The following GFI1 variants were observed in gnomAD, a reference collection of about 807,000 sequenced individuals.
GFI1 encodes growth factor independent 1 transcriptional repressor.
A neutral mutation model predicts 39.2 loss-of-function variants in GFI1; 15 were observed. The ratio of observed to expected loss-of-function variants is 0.38; its 90% CI spans 0.26 to 0.59. The LOEUF (loss-of-function observed/expected upper bound fraction) is 0.59. Ranked by LOEUF, GFI1 falls within the 20% of genes least tolerant of loss-of-function variation. GFI1 has a pLI of 0.62. For synonymous variants in GFI1, 239 were observed against 254.3 expected (o/e 0.94, Z 0.57); for missense variants, 475 against 574.0 (o/e 0.83, Z 1.76).
Position 92,483,405 on chromosome 1 carries a change from C to A in GFI1, c.83G>T (p.Arg28Leu). ...PRSPGPDYSLRLENVPAPSRA... is the reference protein window; with the variant it reads ...PRSPGPDYSLLLENVPAPSRA... ...GCTAGGCGCCGGTACATTCTCTAAA[C>A]GGAGGGAATAGTCTGGTCCTGGGGA... The change falls in exon 2 of 7, where the codon CGT becomes CTT. Residue 28 changes from arginine to leucine, a missense_variant. Arg to Leu is a moderately radical substitution (Grantham distance 102, BLOSUM62 -2). Coordinates refer to ENST00000294702, the MANE Select transcript of GFI1 (RefSeq NM_005263.5). The A allele has an allele frequency of 6.2e-7, 1 of 1,612,672 alleles. No homozygotes were observed. The highest frequency in any genetic ancestry group is 2.2e-5 in the East Asian group (1 of 44,864).
rs2101579727 is a variant in GFI1 at position 92,482,865 on chromosome 1, T to A, written c.297A>T (p.Pro99=). 1 of 1,613,548 alleles carries A rather than the reference T, an allele frequency of 6.2e-7. No individual in the cohort carries two copies. The highest frequency in any genetic ancestry group is 8.5e-7 in the Non-Finnish European group (1 of 1,179,518). Residue 99 remains proline, a splice_region_variant and synonymous_variant, in exon 3 of 7, where the codon CCA becomes CCT. Transcript: ENST00000294702. The surrounding 1 kb of genome is among the most constrained non-coding windows in gnomAD (Gnocchi z 4.4). ...FWRPPSPSAS[P]ASEKSMCPSL... ...AAGAGGTTCCCAGTGGGTTCCTACCTGGAGACGCGGAGGGTGACGGGGGCC... is the reference window on the plus strand; with the variant it reads ...AAGAGGTTCCCAGTGGGTTCCTACCAGGAGACGCGGAGGGTGACGGGGGCC...
chr1:92,475,931 AG>A lies in GFI1; in HGVS notation c.*97del. 8.6e-7 allele frequency: 1 copy of A among 1,169,546 alleles called. No homozygotes were observed. 72.4% of individuals were successfully genotyped at this position (1,169,546 alleles called of 1,614,324 possible). On this transcript the variant is annotated 3_prime_UTR_variant, in exon 7 of 7. Transcript: ENST00000294702. ...GACTGGACCTGGGGTCTGGAAAGTC[AG>A]AAGGGAGTGGAGGCAAGCAGGGAGC...
intron 1 of GFI1, among the ~76,000 whole-genome samples, chr1:92,486,320 G>A (rs1018465677): frequency 6.6e-6 from 1 of 152,204 alleles, no homozygotes; most frequent in African/African-American, 2.4e-5. Flanking sequence ...CTCTCCCTGT[G>A]GGTCGGCAGG....
intron 6 of GFI1, 88 bp downstream of exon 6, chr1:92,478,500 C>A (rs1376124846): frequency 8.9e-7 from 1 of 1,129,302 alleles, no homozygotes; most frequent in African/African-American, 1.5e-5. Flanking sequence ...AAGGCCTCAT[C>A]CACCACTCAC....
rs1407630091 is a variant in GFI1 at position 92,475,351 on chromosome 1, CCT to C, written c.*676_*677del. Reference sequence around the variant, plus strand: ...CTACTGAAGGGAGGACCTCTAATCCCCTCTCATTACCAACTTCTCTTCTGCTT... The same window carrying C: ...CTACTGAAGGGAGGACCTCTAATCCCCTCATTACCAACTTCTCTTCTGCTT... On this transcript the variant is annotated 3_prime_UTR_variant, in exon 7 of 7. Coordinates refer to ENST00000294702, the MANE Select transcript of GFI1 (RefSeq NM_005263.5). The C allele has an allele frequency of 6.5e-6, 1 of 154,072 alleles. No homozygotes were observed. Among genetic ancestry groups the C allele is most frequent in the East Asian group, 1.9e-4 (1 of 5,194 alleles). 9.5% of individuals were successfully genotyped at this position (154,072 alleles called of 1,614,324 possible). A position where few individuals can be genotyped will look rare whatever the true frequency, so the allele number is the denominator to read the frequency against.
At position 92,482,819 on chromosome 1, in the gene GFI1, G is replaced by T. The variant is rs772457244; in HGVS notation, c.298+45C>A. ...GCGCCAATTCCCCCCCAGCACTGCC[G>T]GGTCCCTGCAGCTCCCGCCCAAGAG... On this transcript the variant is annotated intron_variant, in intron 3 of 6. Coordinates refer to ENST00000294702, the MANE Select transcript of GFI1 (RefSeq NM_005263.5). This position sits in a 1 kb window ranked among gnomAD's most constrained non-coding sequence, Gnocchi z 4.4. 68 of 1,503,588 alleles carry T rather than the reference G, an allele frequency of 4.5e-5. No individual in the cohort carries two copies. Among genetic ancestry groups the T allele is most frequent in the Non-Finnish European group, 6.1e-5 (66 of 1,080,106 alleles). 93.1% of individuals were successfully genotyped at this position (1,503,588 alleles called of 1,614,324 possible).
chr1:92,476,039 C>G lies in GFI1; in HGVS notation c.1259G>C (p.Gly420Ala). The change falls in exon 7 of 7, where the codon GGG becomes GCG. Residue 420 changes from glycine (G) to alanine (A), a missense_variant. Gly to Ala is a moderately conservative substitution (Grantham distance 60). Coordinates refer to ENST00000294702, the MANE Select transcript of GFI1 (RefSeq NM_005263.5). Reference protein sequence around the residue: ...DLRRHRETQHGLK With the variant: ...DLRRHRETQHALK ...AGCCAGCCAGGGTGCTCATTTGAGCCCATGCTGCGTCTCCCGGTGCCTTCG... is the reference window on the plus strand; with the variant it reads ...AGCCAGCCAGGGTGCTCATTTGAGCGCATGCTGCGTCTCCCGGTGCCTTCG... 1 of 1,614,024 alleles carries G rather than the reference C, an allele frequency of 6.2e-7. No homozygotes were observed. The highest frequency in any genetic ancestry group is 8.5e-7 in the Non-Finnish European group (1 of 1,179,976).
At position 92,481,348 on chromosome 1, in the gene GFI1, T is replaced by A. The variant is rs886103252; in HGVS notation, c.299-260A>T. On this transcript the variant is annotated intron_variant, in intron 3 of 6. Transcript: ENST00000294702. The surrounding 1 kb of genome is among the most constrained non-coding windows in gnomAD (Gnocchi z 4.3). ...GAGGAGGTCGTAAATTCTGTGCGAG[T>A]GCAGCGGAGGCGCTCGGCGTTCCGA... Among the ~76,000 whole-genome samples the A allele has an allele frequency of 1.3e-5, 2 of 152,180 alleles. No individual in the cohort carries two copies. The highest frequency in any genetic ancestry group is 3.9e-4 in the East Asian group (2 of 5,184).
At chr1:92,478,511 TGG>T in intron 6 of GFI1, 75 bp downstream of exon 6, 1 of 1,300,712 alleles carries the variant, frequency 7.7e-7, no homozygotes, top group Non-Finnish European at 1.1e-6. Context: ...CACCACTCAC[TGG>T]GGCCAGAAAT....
rs975725719 is a variant in GFI1 at position 92,473,095 on chromosome 1, T to G, written c.*2934A>C. On this transcript the variant is annotated 3_prime_UTR_variant, in exon 7 of 7. Coordinates refer to ENST00000294702, the MANE Select transcript of GFI1 (RefSeq NM_005263.5). ...AAGTAATAACATTAAGAGAGATATT[T>G]GCAATCTTCAAATTTCACACGGTAA... 5.3e-5 allele frequency among the ~76,000 whole-genome samples: 8 copies of G among 151,926 alleles called. No homozygotes were observed. The highest frequency in any genetic ancestry group is 1.2e-4 in the Non-Finnish European group (8 of 68,010).
intron 2 of GFI1, 28 bp downstream of exon 2, chr1:92,483,345 C>T (rs1339753403): frequency 7.7e-7 from 1 of 1,294,924 alleles, no homozygotes; most frequent in Admixed American, 1.8e-5. Context: ...GGGGGAGCAG[C>T]CCCGCCTGGC....
intron 1 of GFI1, among the ~76,000 whole-genome samples, chr1:92,485,696 C>G (rs1005362125): frequency 2.6e-5 from 4 of 152,016 alleles, no homozygotes; most frequent in South Asian, 2.1e-4. Flanking sequence ...AGGAGGGAGC[C>G]GAGGGCGCTA....
Position 92,480,575 on chromosome 1 carries a change from C to A in GFI1, c.786+26G>T, listed in dbSNP as rs1435036526. ...GTAGGGGAAGCGGGCGCACGGCAGG[C>A]GAGGTGGTGAGCTCGGGAGCCTCAC... On this transcript the variant is annotated intron_variant, in intron 4 of 6. Transcript: ENST00000294702. This position sits in a 1 kb window ranked among gnomAD's most constrained non-coding sequence, Gnocchi z 5.6. The A allele has an allele frequency of 1.3e-6, 2 of 1,541,010 alleles. No homozygotes were observed. The highest frequency in any genetic ancestry group is 3.9e-5 in the Admixed American group (2 of 51,062).
Position 92,482,889 on chromosome 1 carries a change from C to A in GFI1, c.273G>T (p.Arg91Ser), listed in dbSNP as rs1658334789. The stretch of plus-strand genomic sequence containing the variant: ...CTGGAGACGCGGAGGGTGACGGGGG[C>A]CTCCAGAAGTCCTCAAACTCCGAGC... ...ERSSEFEDFW[R>S]PPSPSASPAS... is the part of the protein sequence containing the mutation. The change falls in exon 3 of 7, where the codon AGG becomes AGT. Residue 91 changes from arginine (R) to serine (S), a missense_variant. This residue lies in a region of GFI1 where 275 missense variants were observed against 275.8 expected (regional missense o/e 1.00). Coordinates refer to ENST00000294702, the MANE Select transcript of GFI1 (RefSeq NM_005263.5). This position sits in a 1 kb window ranked among gnomAD's most constrained non-coding sequence, Gnocchi z 4.4. The A allele has an allele frequency of 6.2e-7, 1 of 1,614,060 alleles. No individual in the cohort carries two copies. Among genetic ancestry groups the A allele is most frequent in the Non-Finnish European group, 8.5e-7 (1 of 1,179,946 alleles).
chr1:92,478,639 TG>T lies in GFI1; in HGVS notation c.1038del (p.Lys347ArgfsTer9). ...ATGTCTGACTTCTGGTGGAACCTCT[TG>T]CCACAGTACTGACAGGGGTAGGGCC... Reference protein sequence around the residue: ...DTRPYPCQYCGKRFHQKSDMK... With the variant: ...DTRPYPCQYCXKRFHQKSDMK... On this transcript the variant is annotated frameshift_variant, in exon 6 of 7. Transcript: ENST00000294702. LOFTEE classifies it high-confidence loss of function. The T allele has an allele frequency of 1.2e-6, 2 of 1,614,028 alleles. No individual in the cohort carries two copies. Among genetic ancestry groups the T allele is most frequent in the Non-Finnish European group, 1.7e-6 (2 of 1,179,998 alleles).
rs769149614 is a variant in GFI1 at position 92,483,034 on chromosome 1, T to A, written c.128A>T (p.Asn43Ile). The change falls in exon 3 of 7, where the codon AAT becomes ATT. Residue 43 changes from asparagine (N) to isoleucine (I), a missense_variant. By Grantham distance (149) the Asn-to-Ile change is moderately radical. Transcript: ENST00000294702. ...PAPSRADSTS[N>I]AGGAKAEPRD... ...GGGCTCCGCCTTCGCCCCGCCTGCA[T>A]TTGAAGTGCTGTCTGCAAAGAGGAG... 1.9e-6 allele frequency: 3 copies of A among 1,594,696 alleles called. No individual in the cohort carries two copies. In the African/African-American group the frequency reaches 4.0e-5, roughly 21 times the overall value.
rs947787842 is a variant in GFI1, at chr1:92,482,064, G to A, written c.298+800C>T. On this transcript the variant is annotated intron_variant, in intron 3 of 6. Coordinates refer to ENST00000294702, the MANE Select transcript of GFI1 (RefSeq NM_005263.5). The surrounding 1 kb of genome is among the most constrained non-coding windows in gnomAD (Gnocchi z 4.4). ...CCTTGTCTGGCCACTTGACGCCCTG[G>A]CAGGAAGAATCCTCCCGCCGCCGGC... 5.3e-5 allele frequency among the ~76,000 whole-genome samples: 8 copies of A among 152,184 alleles called. No homozygotes were observed. The highest frequency in any genetic ancestry group is 3.4e-3 in the Middle Eastern group (1 of 294).
Position 92,483,584 on chromosome 1 carries a change from G to T in GFI1, c.-97C>A. ...GCTTGCTCAGCCCCAGCCCGGAGGA[G>T]ACCTGAGAGGGAAAGAAAACCAGGT... On this transcript the variant is annotated splice_region_variant and 5_prime_UTR_variant, in exon 2 of 7. Transcript: ENST00000294702. 2.7e-6 allele frequency: 2 copies of T among 750,796 alleles called. No homozygotes were observed. The highest frequency in any genetic ancestry group is 2.4e-6 in the Non-Finnish European group (1 of 419,342). The allele number at this position is 750,796 out of a possible 1,614,324, so 46.5% of individuals were successfully genotyped here. A position where few individuals can be genotyped will look rare whatever the true frequency, so the allele number is the denominator to read the frequency against.
chr1:92,476,237 G>A (rs1266534553), intron 6 of GFI1, 30 bp from the exon 7 acceptor site: 1 of 1,591,406 alleles, frequency 6.3e-7, no homozygotes, highest in South Asian at 1.1e-5. Context: ...AGGGGAGAAA[G>A]TATGAGTCTA....
Sources: allele counts gnomAD v4.1 joint callset (sites outside exome capture counted in the v4.1 genomes callset), GRCh38; gene constraint gnomAD v4.1.1; regional missense constraint gnomAD v4.1.1; non-coding constraint Gnocchi (gnomAD v3.1); transcripts MANE v1.5; gene names NCBI Gene and HGNC (gene_info 2026-07-23, HGNC 2026-07-21).